MRC1: variants seen among roughly 807,000 people sequenced by gnomAD.
MRC1 encodes macrophage mannose receptor 1.
Under a neutral mutation model 102.9 loss-of-function variants are expected in MRC1, and 62 were observed. The ratio of observed to expected loss-of-function variants is 0.60; its 90% CI spans 0.49 to 0.74. The LOEUF (loss-of-function observed/expected upper bound fraction) is 0.74, where lower values mean the gene tolerates loss of function less well. Ranked by LOEUF, MRC1 falls within the 30% of genes least tolerant of loss-of-function variation. The pLI is 0.00. For synonymous variants in MRC1, 457 were observed against 298.4 expected, an observed-to-expected ratio of 1.53 and a Z score of -5.48; for missense variants, 1,237 against 862.8, an observed-to-expected ratio of 1.43 and a Z score of -5.43.
intron 5 of MRC1, among the ~76,000 whole-genome samples, chr10:17,842,600 C>G (rs991235113): frequency 1.3e-5 from 2 of 152,176 alleles, no homozygotes; most frequent in Non-Finnish European, 1.5e-5. Flanking sequence ...TCTACCTATT[C>G]AGCCAGATGC....
chr10:17,821,678 C>T (rs1554838290), intron 1 of MRC1, among the ~76,000 whole-genome samples: 1 of 152,084 alleles, frequency 6.6e-6, no homozygotes, highest in African/African-American at 2.4e-5. Context: ...TAGAACTGAT[C>T]TCAGAGTGTA....
intron 1 of MRC1, among the ~76,000 whole-genome samples, chr10:17,813,188 G>T (rs1589160967): frequency 6.6e-6 from 1 of 152,174 alleles, no homozygotes; most frequent in South Asian, 2.1e-4. Context: ...TCAACGGCTT[G>T]TACTTTTCCA....
chr10:17,910,909 G>T lies in MRC1; in HGVS notation c.*444G>T. 5.7e-6 allele frequency: 1 copy of T among 176,528 alleles called. No homozygotes were observed. Among genetic ancestry groups the T allele is most frequent in the Non-Finnish European group, 1.2e-5 (1 of 81,684 alleles). The allele number at this position is 176,528 out of a possible 1,614,324, so 10.9% of individuals were successfully genotyped here. ...CTCAAGTGGCATAAAAATGTAGTCA[G>T]TTTTCTCTTTTACCAGTTTTTATTT... On this transcript the variant is annotated 3_prime_UTR_variant, in exon 30 of 30. Transcript: ENST00000569591.
chr10:17,832,434 C>T (rs1030092812), intron 3 of MRC1, among the ~76,000 whole-genome samples: 5 of 148,626 alleles, frequency 3.4e-5, no homozygotes, highest in Non-Finnish European at 7.4e-5. Flanking sequence ...GTGTGCCTGT[C>T]GTCCCAGCTG....
chr10:17,811,847 A>G (rs557109603), intron 1 of MRC1, among the ~76,000 whole-genome samples: 2 of 152,144 alleles, frequency 1.3e-5, no homozygotes, highest in South Asian at 2.1e-4. Flanking sequence ...TTGGCCTCCC[A>G]TAGTGCAGGA....
At chr10:17,856,837 G>C (rs1480819434) in intron 9 of MRC1, among the ~76,000 whole-genome samples, 10 of 152,088 alleles carry the variant, frequency 6.6e-5, no homozygotes, top group Admixed American at 6.5e-4. Context: ...TCCTGGAGAG[G>C]ATTCTTCTCA....
intron 9 of MRC1, among the ~76,000 whole-genome samples, chr10:17,858,489 T>A (rs938557374): frequency 6.6e-6 from 1 of 151,844 alleles, no homozygotes; most frequent in African/African-American, 2.4e-5. Context: ...TGCTCCCTGG[T>A]GTGATTCTTT....
Position 17,830,115 on chromosome 10 carries a change from G to T in MRC1, c.637+2400G>T, listed in dbSNP as rs939722451. 1.3e-3 allele frequency among the ~76,000 whole-genome samples: 202 copies of T among 151,302 alleles called. 9 individuals are homozygous for T. The highest frequency in any genetic ancestry group is 4.9e-3 in the African/African-American group (198 of 40,694). ...GTTTCATTTTGTGTTCTTTTCAAAA[G>T]AGTTTTTATTGTATTTATTTATTTA... On this transcript the variant is annotated intron_variant, in intron 3 of 29. Transcript: ENST00000569591.
At chr10:17,851,918 T>C (rs1045807021) in intron 7 of MRC1, among the ~76,000 whole-genome samples, 2,612 of 152,302 alleles carry the variant, frequency 0.017, 70 homozygotes, top group African/African-American at 0.06. Context: ...ATCTTATACA[T>C]TGTGATGTTT....
chr10:17,873,998 T>A (rs1833391239), intron 16 of MRC1, among the ~76,000 whole-genome samples, 173 bp downstream of exon 16: 1 of 152,220 alleles, frequency 6.6e-6, no homozygotes, highest in African/African-American at 2.4e-5. Flanking sequence ...GAAGCTCATA[T>A]GCCCAAACAT....
At chr10:17,817,752 T>C (rs1229612883) in intron 1 of MRC1, among the ~76,000 whole-genome samples, 1 of 152,178 alleles carries the variant, frequency 6.6e-6, no homozygotes, top group Non-Finnish European at 1.5e-5. Flanking sequence ...CTTTGCCGTA[T>C]TTCTGTTACA....
chr10:17,809,497 C>G lies in MRC1; in HGVS notation c.32C>G (p.Ser11Cys), dbSNP rs1445835500. Residue 11 changes from serine to cysteine, a missense_variant, in exon 1 of 30, where the codon TCT (serine) becomes TGT (cysteine). Ser to Cys is a moderately radical substitution (Grantham distance 112). Coordinates refer to ENST00000569591, the MANE Select transcript of MRC1 (RefSeq NM_002438.4). Reference sequence around the variant, plus strand: ...CTACCCCTGCTCCTGGTTTTTGCCTCTGTCATTCCGGGTGCTGTTCTCCTA... The same window carrying G: ...CTACCCCTGCTCCTGGTTTTTGCCTGTGTCATTCCGGGTGCTGTTCTCCTA... MRLPLLLVFA[S>C]VIPGAVLLLD... The G allele has an allele frequency of 1.1e-6, 1 of 872,760 alleles. No individual in the cohort carries two copies. The allele number at this position is 872,760 out of a possible 1,614,324, so 54.1% of individuals were successfully genotyped here. A position where few individuals can be genotyped will look rare whatever the true frequency, so the allele number is the denominator to read the frequency against.
At chr10:17,868,853 T>C (rs1027237792) in intron 12 of MRC1, among the ~76,000 whole-genome samples, 8 of 152,204 alleles carry the variant, frequency 5.3e-5, no homozygotes, top group Non-Finnish European at 1.0e-4. Flanking sequence ...TAGAAGGCGA[T>C]GTATTGGGCT....
intron 1 of MRC1, among the ~76,000 whole-genome samples, chr10:17,822,402 T>C (rs1211851559): frequency 6.6e-6 from 1 of 152,184 alleles, no homozygotes; most frequent in Non-Finnish European, 1.5e-5. Context: ...AGTGGGAAGA[T>C]TGCTTGAAGC....
At chr10:17,888,740 A>G (rs1029430480) in intron 22 of MRC1, among the ~76,000 whole-genome samples, 7 of 152,174 alleles carry the variant, frequency 4.6e-5, no homozygotes, top group Admixed American at 6.5e-5. Context: ...ATATTCTACT[A>G]TTATTGGAAG....
intron 17 of MRC1, among the ~76,000 whole-genome samples, chr10:17,876,720 G>C (rs1452702540): frequency 1.3e-5 from 2 of 152,058 alleles, no homozygotes; most frequent in Non-Finnish European, 2.9e-5. Context: ...TTAAAAATCT[G>C]GCTTACATGG....
intron 5 of MRC1, 166 bp from the exon 6 acceptor site, chr10:17,845,123 T>C (rs782165226): frequency 2.6e-6 from 2 of 778,842 alleles, no homozygotes; most frequent in East Asian, 4.9e-5. Flanking sequence ...ACACCCATCG[T>C]GTCTTTTGCT....
At chr10:17,881,403 A>G (rs1015465404) in intron 21 of MRC1, among the ~76,000 whole-genome samples, 246 of 152,346 alleles carry the variant, frequency 1.6e-3, no homozygotes, top group African/African-American at 5.5e-3. Context: ...AGCAGGTATT[A>G]TGACCCCATT....
chr10:17,884,643 G>T (rs1007469042), intron 21 of MRC1, among the ~76,000 whole-genome samples: 52 of 152,256 alleles, frequency 3.4e-4, no homozygotes, highest in Admixed American at 3.3e-4. Context: ...ATCAGCTCTT[G>T]TAAGAACTCA....
Sources: allele counts gnomAD v4.1 joint callset (sites outside exome capture counted in the v4.1 genomes callset), GRCh38; gene constraint gnomAD v4.1.1; transcripts MANE v1.5; gene names NCBI Gene and HGNC (gene_info 2026-07-23, HGNC 2026-07-21).